Variants in CAPRIN1 observed in about 807,000 individuals in gnomAD.
CAPRIN1 encodes caprin-1.
In CAPRIN1, 29 loss-of-function variants were observed where a neutral mutation model predicts 100.9. The ratio of observed to expected loss-of-function variants is 0.29; its 90% CI spans 0.21 to 0.39. The LOEUF (loss-of-function observed/expected upper bound fraction) is 0.39. Ranked by LOEUF, CAPRIN1 falls within the 10% of genes least tolerant of loss-of-function variation. CAPRIN1 has a pLI of 1.00. For synonymous variants in CAPRIN1, 338 were observed against 307.5 expected, an observed-to-expected ratio of 1.10 and a Z score of -1.04; for missense variants, 795 against 876.7, an observed-to-expected ratio of 0.91 and a Z score of 1.18.
intron 2 of CAPRIN1, among the ~76,000 whole-genome samples, chr11:34,059,302 T>G (rs536773498): frequency 1.3e-5 from 2 of 151,204 alleles, no homozygotes; most frequent in Admixed American, 6.6e-5. Flanking sequence ...GGAGTCTTGC[T>G]GTGTCGCCCA....
intron 2 of CAPRIN1, among the ~76,000 whole-genome samples, chr11:34,070,582 G>A (rs1056137636): frequency 1.3e-5 from 2 of 152,092 alleles, no homozygotes; most frequent in African/African-American, 4.8e-5. Context: ...TTTTGGTAGA[G>A]ATGGGGTTTC....
chr11:34,068,424 A>G (rs1177034171), intron 2 of CAPRIN1, among the ~76,000 whole-genome samples: 1 of 152,222 alleles, frequency 6.6e-6, no homozygotes, highest in Admixed American at 6.5e-5. Flanking sequence ...GTCACATTTT[A>G]GAACAGTATG....
At chr11:34,074,345 C>T (rs1850865628) in intron 4 of CAPRIN1, among the ~76,000 whole-genome samples, 1 of 152,196 alleles carries the variant, frequency 6.6e-6, no homozygotes, top group Admixed American at 6.5e-5. Flanking sequence ...TGAGCTTTAA[C>T]TTCATTAGCA....
chr11:34,098,514 C>T, intron 18 of CAPRIN1: 1 of 985,272 alleles, frequency 1.0e-6, no homozygotes, highest in Non-Finnish European at 1.2e-6. Context: ...AAACATCAAA[C>T]AGGTTTCCTC....
At chr11:34,077,713 GCTT>G (rs1850934423) in intron 6 of CAPRIN1, among the ~76,000 whole-genome samples, 4 of 152,252 alleles carry the variant, frequency 2.6e-5, no homozygotes, top group African/African-American at 9.6e-5. Context: ...TGGATTATAA[GCTT>G]TAATCACCAA....
At chr11:34,089,509 A>G (rs147490152) in intron 12 of CAPRIN1, 53 bp downstream of exon 12, 27 of 1,010,648 alleles carry the variant, frequency 2.7e-5, no homozygotes, top group Non-Finnish European at 2.8e-5. Context: ...GCTCGTACCT[A>G]TAATCCTAGT....
At chr11:34,087,072 A>C (rs779278824) in intron 11 of CAPRIN1, among the ~76,000 whole-genome samples, 115 of 152,320 alleles carry the variant, frequency 7.5e-4, no homozygotes, top group Non-Finnish European at 5.1e-4. Flanking sequence ...AGTAGCACTA[A>C]ATACAGTTGG....
intron 2 of CAPRIN1, among the ~76,000 whole-genome samples, chr11:34,053,986 A>G (rs1345774199): frequency 1.3e-5 from 2 of 152,222 alleles, no homozygotes; most frequent in East Asian, 1.9e-4. Context: ...ATCATTTTGC[A>G]GTGTTTATGT....
intron 1 of CAPRIN1, 97 bp from the exon 2 acceptor site, chr11:34,052,323 CG>C (rs1380475939): frequency 2.0e-6 from 2 of 1,019,426 alleles, no homozygotes; most frequent in African/African-American, 1.7e-5. Flanking sequence ...GGCTACCGCT[CG>C]CTGCGCGTTT....
intron 6 of CAPRIN1, among the ~76,000 whole-genome samples, chr11:34,077,837 G>A (rs921352232): frequency 2.6e-5 from 4 of 152,036 alleles, no homozygotes; most frequent in Non-Finnish European, 5.9e-5. Context: ...TTCTTGGTTT[G>A]TTAACATTTA....
intron 4 of CAPRIN1, among the ~76,000 whole-genome samples, chr11:34,073,645 A>G (rs947989675): frequency 6.6e-6 from 1 of 152,100 alleles, no homozygotes; most frequent in Non-Finnish European, 1.5e-5. Context: ...GCTTGTCTCA[A>G]ACTCCTGACC....
At chr11:34,077,249 G>A (rs1850926302) in intron 6 of CAPRIN1, among the ~76,000 whole-genome samples, 1 of 152,176 alleles carries the variant, frequency 6.6e-6, no homozygotes, top group African/African-American at 2.4e-5. Flanking sequence ...CTGTGTTTGA[G>A]GTGGACAGAT....
chr11:34,094,305 C>T (rs1851323101), intron 15 of CAPRIN1, among the ~76,000 whole-genome samples: 1 of 151,276 alleles, frequency 6.6e-6, no homozygotes, highest in Admixed American at 6.6e-5. Flanking sequence ...ATCCACCCGC[C>T]TCGGCCTTCC....
rs181192803 is a variant in CAPRIN1, at chr11:34,064,248, A to G, written c.217-7478A>G. 1.2e-3 allele frequency among the ~76,000 whole-genome samples: 181 copies of G among 149,928 alleles called. 4 individuals are homozygous for G. Among genetic ancestry groups the G allele is most frequent in the Admixed American group, 9.4e-3 (143 of 15,148 alleles). ...CTGTCTGGAGCCCTTTATTACTCCTATCTTACCATTCTGTTCTTAGTATAA... is the reference window on the plus strand; with the variant it reads ...CTGTCTGGAGCCCTTTATTACTCCTGTCTTACCATTCTGTTCTTAGTATAA... On this transcript the variant is annotated intron_variant, in intron 2 of 18. Coordinates refer to ENST00000341394, the MANE Select transcript of CAPRIN1 (RefSeq NM_005898.5).
At chr11:34,081,382 A>G (rs1325443269) in intron 7 of CAPRIN1, among the ~76,000 whole-genome samples, 2 of 152,004 alleles carry the variant, frequency 1.3e-5, no homozygotes, top group African/African-American at 2.4e-5. Context: ...TATTTTCAGT[A>G]GAGATGGGGT....
rs889924299 is a variant in CAPRIN1 at position 34,053,291 on chromosome 11, T to C, written c.216+655T>C. ...CGTTTCCCTCTTTGTTTCAATTGTT[T>C]AGGTGTCCCCCCGAGCCTCAGGCTC... On this transcript the variant is annotated intron_variant, in intron 2 of 18. Transcript: ENST00000341394. The C allele has an allele frequency of 5.7e-5, 18 of 315,774 alleles. No individual in the cohort carries two copies. The Admixed American group carries it at 8.4e-4, about 15-fold the overall frequency. The allele number at this position is 315,774 out of a possible 1,614,324, so 19.6% of individuals were successfully genotyped here. A position where few individuals can be genotyped will look rare whatever the true frequency, so the allele number is the denominator to read the frequency against.
intron 4 of CAPRIN1, among the ~76,000 whole-genome samples, chr11:34,073,895 T>C (rs1850853510): frequency 6.6e-6 from 1 of 152,212 alleles, no homozygotes; most frequent in African/African-American, 2.4e-5. Context: ...AATTTGTTTC[T>C]CACACTTCTG....
At chr11:34,058,205 C>T (rs1850495481) in intron 2 of CAPRIN1, among the ~76,000 whole-genome samples, 1 of 152,088 alleles carries the variant, frequency 6.6e-6, no homozygotes, top group Non-Finnish European at 1.5e-5. Flanking sequence ...GGTGCAATCT[C>T]AGCTCACTGC....
chr11:34,099,412 AGT>A lies in CAPRIN1; in HGVS notation c.*48_*49del. On this transcript the variant is annotated 3_prime_UTR_variant, in exon 19 of 19. Transcript: ENST00000341394. ...TTTAATCGCCAAAAACACACTGGCC[AGT>A]GTACCATAATATGTTACCAGAAGAG... 1 of 1,455,654 alleles carries A rather than the reference AGT, an allele frequency of 6.9e-7. No individual in the cohort carries two copies. The highest frequency in any genetic ancestry group is 9.7e-7 in the Non-Finnish European group (1 of 1,036,082). The allele number at this position is 1,455,654 out of a possible 1,614,324, so 90.2% of individuals were successfully genotyped here. A position where few individuals can be genotyped will look rare whatever the true frequency, so the allele number is the denominator to read the frequency against.
Sources: gnomAD v4.1 joint callset for allele counts (sites outside exome capture counted in the v4.1 genomes callset) on GRCh38, gnomAD v4.1.1 for gene constraint, MANE v1.5 for transcripts, NCBI Gene and HGNC (gene_info 2026-07-23, HGNC 2026-07-21) for gene names.